Variants in BNC2 observed in about 807,000 individuals in gnomAD.
BNC2 encodes zinc finger protein basonuclin-2.
Under a neutral mutation model 76.3 loss-of-function variants are expected in BNC2, and 20 were observed. That is an observed-to-expected ratio of 0.26 (90% confidence interval 0.18 to 0.38). The LOEUF is 0.38. Among genes scored for constraint, BNC2 ranks in the 10% least tolerant of loss-of-function variants. The pLI, the probability that BNC2 is intolerant of heterozygous loss-of-function variation, is 1.00. For synonymous variants in BNC2, 582 were observed against 514.8 expected (o/e 1.13, Z -1.77); for missense variants, 1,382 against 1,399.8 (o/e 0.99, Z 0.20).
rs993495171 is a variant in BNC2 at position 16,418,416 on chromosome 9, C to A, written c.*573G>T. On this transcript the variant is annotated 3_prime_UTR_variant, in exon 7 of 7. Transcript: ENST00000380672. Reference sequence around the variant, plus strand: ...AAAATTAAACAAAAAAGTTAAACAACCATCAATACAATTGTTTTACATCAA... The same window carrying A: ...AAAATTAAACAAAAAAGTTAAACAAACATCAATACAATTGTTTTACATCAA... 2 of 149,064 alleles carry A rather than the reference C, an allele frequency of 1.3e-5. No individual in the cohort carries two copies. Among genetic ancestry groups the A allele is most frequent in the African/African-American group, 2.5e-5 (1 of 40,114 alleles). 9.2% of individuals were successfully genotyped at this position (149,064 alleles called of 1,614,324 possible).
rs189933231 is a variant in BNC2 at position 16,864,748 on chromosome 9, C to T, written c.3+5898G>A. On this transcript the variant is annotated intron_variant, in intron 1 of 6. Coordinates refer to ENST00000380672, the MANE Select transcript of BNC2 (RefSeq NM_017637.6). ...AATAGTCTCGACGCTTACTTCTTTA[C>T]GGTTGCTGGGATGTAACCGAGAAAT... Among the ~76,000 whole-genome samples the T allele has an allele frequency of 2.3e-3, 357 of 152,266 alleles. 2 individuals carry two copies. Among genetic ancestry groups the T allele is most frequent in the Non-Finnish European group, 2.8e-3 (192 of 68,024 alleles).
chr9:16,663,130 C>CTTTTTTTTT lies in BNC2; in HGVS notation c.330+64658_330+64666dup, dbSNP rs71325979. Among the ~76,000 whole-genome samples, 22 of 99,604 alleles carry CTTTTTTTTT rather than the reference C, an allele frequency of 2.2e-4. 2 individuals carry two copies. Among genetic ancestry groups the CTTTTTTTTT allele is most frequent in the African/African-American group, 6.1e-4 (17 of 27,940 alleles). 65.3% of individuals were successfully genotyped at this position (99,604 alleles called of 152,430 possible). ...CCATAGGCACTCCACTCTGTTTACT[C>CTTTTTTTTT]TTTTTTTTTTTTTTTTGGAGACGGA... On this transcript the variant is annotated intron_variant, in intron 3 of 6. Coordinates refer to ENST00000380672, the MANE Select transcript of BNC2 (RefSeq NM_017637.6).
intron 1 of BNC2, among the ~76,000 whole-genome samples, chr9:16,760,381 T>C (rs1465129446): frequency 6.6e-6 from 1 of 152,116 alleles, no homozygotes; most frequent in South Asian, 2.1e-4. Flanking sequence ...GTGAAAAAAT[T>C]TAGATATTAC....
chr9:16,866,832 T>C (rs189678313), intron 1 of BNC2, among the ~76,000 whole-genome samples: 298 of 152,156 alleles, frequency 2.0e-3, no homozygotes, highest in African/African-American at 6.8e-3. Flanking sequence ...AGAGGGGATT[T>C]TACTAACCAA....
chr9:16,706,569 C>T (rs1017992920), intron 3 of BNC2, among the ~76,000 whole-genome samples: 1 of 152,138 alleles, frequency 6.6e-6, no homozygotes, highest in African/African-American at 2.4e-5. Context: ...GGTTAACATG[C>T]ACATATAAAA....
chr9:16,793,981 C>A (rs915216615), intron 1 of BNC2, among the ~76,000 whole-genome samples: 2 of 150,474 alleles, frequency 1.3e-5, no homozygotes, highest in African/African-American at 4.9e-5. Flanking sequence ...GGATTACAGG[C>A]GTGAGCCACC....
At chr9:16,825,094 C>A (rs1343382652) in intron 1 of BNC2, among the ~76,000 whole-genome samples, 1 of 151,116 alleles carries the variant, frequency 6.6e-6, no homozygotes, top group Non-Finnish European at 1.5e-5. Flanking sequence ...AGATACGAAT[C>A]AGTGGAAGTT....
intron 3 of BNC2, among the ~76,000 whole-genome samples, chr9:16,610,794 A>C (rs1820522766): frequency 6.6e-6 from 1 of 152,126 alleles, no homozygotes; most frequent in African/African-American, 2.4e-5. Context: ...ATGAGTGCAT[A>C]CCCATTTTCA....
In BNC2 at chr9:16,416,744, A is replaced by C. The variant is rs983557864; in HGVS notation, c.*2245T>G. ...AAGGAGGTGAAAAGATAAAGCTCCT[A>C]GACATAGCTAGCTTATCTTTAAGAA... On this transcript the variant is annotated 3_prime_UTR_variant, in exon 7 of 7. Coordinates refer to ENST00000380672, the MANE Select transcript of BNC2 (RefSeq NM_017637.6). 2 of 152,644 alleles carry C rather than the reference A, an allele frequency of 1.3e-5. No homozygotes were observed. Among genetic ancestry groups the C allele is most frequent in the African/African-American group, 4.8e-5 (2 of 41,464 alleles). 9.5% of individuals were successfully genotyped at this position (152,644 alleles called of 1,614,324 possible). A position where few individuals can be genotyped will look rare whatever the true frequency, so the allele number is the denominator to read the frequency against.
intron 5 of BNC2, among the ~76,000 whole-genome samples, chr9:16,468,390 A>AT (rs200633542): frequency 1.9e-4 from 29 of 150,034 alleles, no homozygotes; most frequent in East Asian, 9.9e-4. Context: ...CAGTATCTTT[A>AT]TTTTTTTTTA....
At chr9:16,708,401 T>C (rs1247966563) in intron 3 of BNC2, among the ~76,000 whole-genome samples, 1 of 152,212 alleles carries the variant, frequency 6.6e-6, no homozygotes, top group Non-Finnish European at 1.5e-5. Flanking sequence ...GTTAATTTAT[T>C]CTGCTCTGCA....
intron 1 of BNC2, among the ~76,000 whole-genome samples, chr9:16,809,880 G>T (rs1315628568): frequency 6.6e-6 from 1 of 152,120 alleles, no homozygotes; most frequent in African/African-American, 2.4e-5. Flanking sequence ...AATTTGAATG[G>T]CTGAATAAGA....
At chr9:16,711,325 T>C (rs1823841441) in intron 3 of BNC2, among the ~76,000 whole-genome samples, 2 of 152,100 alleles carry the variant, frequency 1.3e-5, no homozygotes, top group African/African-American at 4.8e-5. Flanking sequence ...CTGTGGTTGA[T>C]TTGGGTTGTA....
chr9:16,671,102 A>G (rs574157751), intron 3 of BNC2, among the ~76,000 whole-genome samples: 1 of 152,160 alleles, frequency 6.6e-6, no homozygotes, highest in East Asian at 1.9e-4. Flanking sequence ...AGAGAATGAG[A>G]ACCCATCAGT....
At chr9:16,758,743 T>C (rs7855267) in intron 1 of BNC2, among the ~76,000 whole-genome samples, 123,248 of 152,070 alleles carry the variant, frequency 0.81, 51,394 homozygotes, top group Non-Finnish European at 0.91. Flanking sequence ...TAGGTTAGCA[T>C]TCTACACTGA....
chr9:16,798,954 A>G (rs1817719837), intron 1 of BNC2, among the ~76,000 whole-genome samples: 1 of 152,116 alleles, frequency 6.6e-6, no homozygotes, highest in South Asian at 2.1e-4. Context: ...AGCTAAATAC[A>G]CCACTTTCTA....
chr9:16,410,912 C>T lies in BNC2; in HGVS notation c.*8077G>A, dbSNP rs556808248. 2.0e-5 allele frequency: 3 copies of T among 152,304 alleles called. No individual in the cohort carries two copies. The East Asian group carries it at 5.8e-4, about 29-fold the overall frequency. 9.4% of individuals were successfully genotyped at this position (152,304 alleles called of 1,614,324 possible). A position where few individuals can be genotyped will look rare whatever the true frequency, so the allele number is the denominator to read the frequency against. On this transcript the variant is annotated 3_prime_UTR_variant, in exon 7 of 7. Coordinates refer to ENST00000380672, the MANE Select transcript of BNC2 (RefSeq NM_017637.6). Reference sequence around the variant, plus strand: ...TACATCTCAAGTGAACCTATTAACTCAGCACATTGTCTGGGAGCTCAAGAG... The same window carrying T: ...TACATCTCAAGTGAACCTATTAACTTAGCACATTGTCTGGGAGCTCAAGAG...
At chr9:16,864,864 G>C (rs1012178711) in intron 1 of BNC2, among the ~76,000 whole-genome samples, 1 of 151,966 alleles carries the variant, frequency 6.6e-6, no homozygotes, top group Admixed American at 6.6e-5. Context: ...TAAATGAATA[G>C]GAATAGTTGA....
chr9:16,587,887 C>G (rs1460256548), intron 3 of BNC2, among the ~76,000 whole-genome samples: 2 of 152,214 alleles, frequency 1.3e-5, no homozygotes, highest in African/African-American at 2.4e-5. Context: ...AAGTTCCCCA[C>G]TAGACTTCTG....
Sources: allele counts gnomAD v4.1 joint callset (sites outside exome capture counted in the v4.1 genomes callset), GRCh38; gene constraint gnomAD v4.1.1; transcripts MANE v1.5; gene names NCBI Gene and HGNC (gene_info 2026-07-23, HGNC 2026-07-21).